The following HERC1 variants were observed in gnomAD, a reference collection of about 807,000 sequenced individuals.
HERC1 encodes the protein HECT and RLD domain containing E3 ubiquitin protein ligase family member 1.
Under a neutral mutation model 554.3 loss-of-function variants are expected in HERC1, and 160 were observed. The observed-to-expected ratio is 0.29, with a 90% CI of 0.25 to 0.33. HERC1 has a LOEUF of 0.33. HERC1 is among the 10% of genes least tolerant of loss of function. HERC1 has a pLI of 1.00. For missense variants in HERC1, 4,919 were observed against 5,918.5 expected (o/e 0.83, Z 5.54); for synonymous variants, 2,175 against 2,131.7 (o/e 1.02, Z -0.56).
intron 50 of HERC1, among the ~76,000 whole-genome samples, chr15:63,654,580 T>C (rs1198088789): frequency 6.6e-6 from 1 of 152,072 alleles, no homozygotes; most frequent in Admixed American, 6.6e-5. Context: ...AGGCCAGGCA[T>C]GGTGGCTCAC....
At chr15:63,715,659 G>A (rs1372695781) in intron 22 of HERC1, among the ~76,000 whole-genome samples, 1 of 152,128 alleles carries the variant, frequency 6.6e-6, no homozygotes, top group Non-Finnish European at 1.5e-5. Flanking sequence ...CCGACTGAAT[G>A]CACACTTTAA....
In HERC1 at chr15:63,655,913, C is replaced by G; in HGVS notation, c.9913G>C (p.Asp3305His). 1 of 1,613,054 alleles carries G rather than the reference C, an allele frequency of 6.2e-7. No homozygotes were observed. Among genetic ancestry groups the G allele is most frequent in the Non-Finnish European group, 8.5e-7 (1 of 1,179,532 alleles). Reference protein sequence around the residue: ...AATGVNLTTVDDSIQRKFLPS... With the variant: ...AATGVNLTTVHDSIQRKFLPS... ...AGAAACTTTCGCTGAATTGAGTCAT[C>G]AACTGTGGTTAGATTTACACCTGTT... is the stretch of plus-strand genomic sequence containing the variant. Residue 3305 changes from aspartate (D) to histidine (H), a missense_variant, in exon 50 of 78, where the codon GAT (aspartate) becomes CAT (histidine). Physicochemically the swap from Asp to His is moderately conservative, Grantham distance 81 (BLOSUM62 -1). Around this residue, in one of 11 missense-constraint regions of HERC1, gnomAD observed 1,963 missense variants for 2,228.6 expected, o/e 0.88. Transcript: ENST00000443617.
At chr15:63,743,244 TTTTTC>T (rs2074890864) in intron 12 of HERC1, among the ~76,000 whole-genome samples, 1 of 140,424 alleles carries the variant, frequency 7.1e-6, no homozygotes, top group African/African-American at 2.6e-5. Context: ...ATTTTCTTTT[TTTTTC>T]TTTTTTTCTT....
At position 63,672,560 on chromosome 15, in the gene HERC1, C is replaced by G; in HGVS notation, c.7981G>C (p.Val2661Leu). The change falls in exon 39 of 78, where the codon GTC (valine) becomes CTC (leucine). Residue 2661 changes from valine to leucine, a missense_variant. Physicochemically the swap from Val to Leu is conservative, Grantham distance 32. This residue lies in a region of HERC1 where 1,963 missense variants were observed against 2,228.6 expected (regional missense o/e 0.88). Transcript: ENST00000443617. Reference protein sequence around the residue: ...LEDTTTATTPVTDTETVPASE... With the variant: ...LEDTTTATTPLTDTETVPASE... ...GCAGGCACTGTTTCTGTGTCAGTGACTGGAGTGGTGGCAGTTGTGGTGTCC... is the reference window on the plus strand; with the variant it reads ...GCAGGCACTGTTTCTGTGTCAGTGAGTGGAGTGGTGGCAGTTGTGGTGTCC... The G allele has an allele frequency of 6.2e-7, 1 of 1,610,472 alleles. No homozygotes were observed. The highest frequency in any genetic ancestry group is 8.5e-7 in the Non-Finnish European group (1 of 1,178,380).
At chr15:63,668,661 G>A (rs1011320632) in intron 40 of HERC1, among the ~76,000 whole-genome samples, 2 of 151,970 alleles carry the variant, frequency 1.3e-5, no homozygotes, top group Non-Finnish European at 2.9e-5. Flanking sequence ...AGATTTCAGG[G>A]CAAAAAAATA....
At position 63,678,225 on chromosome 15, in the gene HERC1, A is replaced by C; in HGVS notation, c.6690T>G (p.Thr2230=). 1.9e-6 allele frequency: 3 copies of C among 1,613,902 alleles called. 1 individual carries two copies. In the South Asian group the frequency reaches 3.3e-5, roughly 18 times the overall value. ...IRILHRTDRW[T]YCINKKMMER... ...CCATCATTTTTTTGTTAATGCAGTA[A>C]GTCCAACGGTCTGTTCGGTGAAGGA... The change falls in exon 37 of 78, where the codon ACT becomes ACG. Residue 2230 remains threonine (T), a synonymous_variant. Transcript: ENST00000443617.
intron 31 of HERC1, among the ~76,000 whole-genome samples, chr15:63,691,012 C>T (rs149440780): frequency 6.6e-6 from 1 of 152,250 alleles, no homozygotes; most frequent in African/African-American, 2.4e-5. Flanking sequence ...GTAACTTGAC[C>T]AAAGCCACAC....
intron 24 of HERC1, among the ~76,000 whole-genome samples, chr15:63,711,269 G>A (rs980495318): frequency 6.6e-6 from 1 of 152,124 alleles, no homozygotes; most frequent in East Asian, 1.9e-4. Flanking sequence ...AGGCTGCACT[G>A]AGCAGCCTGA....
rs751584731 is a variant in HERC1 at position 63,675,030 on chromosome 15, T to G, written c.7158A>C (p.Arg2386=). 3.9e-5 allele frequency: 63 copies of G among 1,613,888 alleles called. No homozygotes were observed. The Middle Eastern group carries it at 2.1e-3, about 55-fold the overall frequency. ...CCAGCAGCACAGAAGCCGTCAGGCC[T>G]CGGAATCGCGCCACATCAAACGGCA... is the stretch of plus-strand genomic sequence containing the variant. ...EPLPFDVARF[R]GLTASVLLDL... The change falls in exon 38 of 78, where the codon CGA becomes CGC. Residue 2386 remains arginine (R), a synonymous_variant. Transcript: ENST00000443617.
intron 68 of HERC1, 24 bp from the exon 69 acceptor site, chr15:63,630,659 T>C (rs374805772): frequency 4.6e-5 from 73 of 1,602,218 alleles, no homozygotes; most frequent in Non-Finnish European, 5.5e-5. Context: ...AACAAAAACA[T>C]GTGGAAATGT....
chr15:63,709,736 G>A (rs1426220091), intron 24 of HERC1, among the ~76,000 whole-genome samples: 1 of 152,166 alleles, frequency 6.6e-6, no homozygotes, highest in African/African-American at 2.4e-5. Context: ...AAAGCACTGT[G>A]TAGGAGATAT....
rs770085724 is a variant in HERC1, at chr15:63,656,253, G to A, written c.9705C>T (p.Leu3235=). 6.2e-7 allele frequency: 1 copy of A among 1,613,854 alleles called. No individual in the cohort carries two copies. The highest frequency in any genetic ancestry group is 2.2e-5 in the East Asian group (1 of 44,844). The stretch of plus-strand genomic sequence containing the variant: ...TAGCCATGGCAGAAGGGCTGGTGGA[G>A]AGGCCAGCTCTCCCTGCTGCTGCCA... ...MCLAAAGRAG[L]STSPSAMAST... The change falls in exon 49 of 78, where the codon CTC becomes CTT. Residue 3235 remains leucine (L), a synonymous_variant. Coordinates refer to ENST00000443617, the MANE Select transcript of HERC1 (RefSeq NM_003922.4).
rs1231881632 is a variant in HERC1, at chr15:63,729,359, T to C, written c.3031A>G (p.Ser1011Gly). The C allele has an allele frequency of 3.1e-6, 5 of 1,603,718 alleles. No homozygotes were observed. The highest frequency in any genetic ancestry group is 4.2e-6 in the Non-Finnish European group (5 of 1,176,700). The change falls in exon 16 of 78, where the codon AGT becomes GGT. Residue 1011 changes from serine to glycine, a missense_variant. Ser to Gly is a moderately conservative substitution (Grantham distance 56). This residue lies in a region of HERC1 where 1,121 missense variants were observed against 1,244.0 expected (regional missense o/e 0.90). Transcript: ENST00000443617. Reference protein sequence around the residue: ...HINNISENSSSVALLHKHLQL... With the variant: ...HINNISENSSGVALLHKHLQL... The stretch of plus-strand genomic sequence containing the variant: ...AGATGTTTATGAAGCAATGCCACAC[T>C]GCTTGAGTTCTAAGAAGAAAAAAAG...
rs572592601 is a variant in HERC1, at chr15:63,655,720, G to A, written c.10084+22C>T. On this transcript the variant is annotated intron_variant, in intron 50 of 77. Transcript: ENST00000443617. ...TAAGAAGTCGATTAGAAGACTGTAT[G>A]TTTCAGTAGTATGAAACTTACCTTT... The A allele has an allele frequency of 4.1e-5, 60 of 1,464,280 alleles. 1 individual carries two copies. In the South Asian group the frequency reaches 7.2e-4, roughly 18 times the overall value. 90.7% of individuals were successfully genotyped at this position (1,464,280 alleles called of 1,614,324 possible). A position where few individuals can be genotyped will look rare whatever the true frequency, so the allele number is the denominator to read the frequency against.
Position 63,612,827 on chromosome 15 carries a change from A to G in HERC1, c.14095-271T>C, listed in dbSNP as rs778373441. On this transcript the variant is annotated intron_variant, in intron 76 of 77. Transcript: ENST00000443617. The surrounding 1 kb of genome is among the most constrained non-coding windows in gnomAD (Gnocchi z 5.0). ...GAGCCTGCCTTCCCTCTACCACAAA[A>G]TCTCAGCCCACTGGGGCCTTCCCTG... Among the ~76,000 whole-genome samples the G allele has an allele frequency of 1.3e-5, 2 of 151,912 alleles. No homozygotes were observed. Among genetic ancestry groups the G allele is most frequent in the Non-Finnish European group, 2.9e-5 (2 of 67,956 alleles).
intron 72 of HERC1, 62 bp from the exon 73 acceptor site, chr15:63,623,952 G>A (rs2068193215): frequency 1.3e-6 from 2 of 1,544,528 alleles, no homozygotes. Flanking sequence ...AAAATCACAT[G>A]ATATCTTCCC....
chr15:63,622,874 A>G lies in HERC1; in HGVS notation c.13629T>C (p.Ile4543=). The G allele has an allele frequency of 6.2e-7, 1 of 1,602,188 alleles. No individual in the cohort carries two copies. Among genetic ancestry groups the G allele is most frequent in the Non-Finnish European group, 8.5e-7 (1 of 1,175,530 alleles). ...TEMCQELETG[I]VDLLIPSPNA... Reference sequence around the variant, plus strand: ...TGGGAGAGGGTATAAGAAGGTCAACAATACCAGTTTCAAGTTCCTGCAGAA... The same window carrying G: ...TGGGAGAGGGTATAAGAAGGTCAACGATACCAGTTTCAAGTTCCTGCAGAA... The change falls in exon 74 of 78, where the codon ATT becomes ATC. Residue 4543 remains isoleucine, a synonymous_variant. Coordinates refer to ENST00000443617, the MANE Select transcript of HERC1 (RefSeq NM_003922.4).
chr15:63,783,363 G>C (rs1014404971), intron 1 of HERC1, among the ~76,000 whole-genome samples: 1 of 151,974 alleles, frequency 6.6e-6, no homozygotes, highest in Admixed American at 6.6e-5. Flanking sequence ...TGAGCAAAAA[G>C]ATTACAACTC....
At chr15:63,777,833 GA>G (rs1280092112) in intron 1 of HERC1, among the ~76,000 whole-genome samples, 1 of 152,080 alleles carries the variant, frequency 6.6e-6, no homozygotes, top group Non-Finnish European at 1.5e-5. Context: ...ATTCTTGAGA[GA>G]TTTTTTTTAA....
Sources: allele counts gnomAD v4.1 joint callset (sites outside exome capture counted in the v4.1 genomes callset), GRCh38; gene constraint gnomAD v4.1.1; regional missense constraint gnomAD v4.1.1; non-coding constraint Gnocchi (gnomAD v3.1); transcripts MANE v1.5; gene names NCBI Gene and HGNC (gene_info 2026-07-23, HGNC 2026-07-21).